LY6G5C: variants seen among roughly 807,000 people sequenced by gnomAD.
LY6G5C encodes lymphocyte antigen 6 complex locus protein G5c.
Under a neutral mutation model 10.5 loss-of-function variants are expected in LY6G5C, and 6 were observed. The ratio of observed to expected loss-of-function variants is 0.57; its 90% CI spans 0.31 to 1.12. The LOEUF (loss-of-function observed/expected upper bound fraction) is 1.12, where lower values mean the gene tolerates loss of function less well. Ranked by LOEUF, LY6G5C falls within the 50% of genes most tolerant of loss-of-function variation. The pLI is 0.05. For missense variants in LY6G5C, 160 were observed against 185.5 expected (o/e 0.86, Z 0.80); for synonymous variants, 69 against 67.8 (o/e 1.02, Z -0.09).
At position 31,679,291 on chromosome 6, in the gene LY6G5C, C is replaced by T. The variant is rs762863369; in HGVS notation, c.122-23G>A. On this transcript the variant is annotated intron_variant, in intron 1 of 2. Coordinates refer to ENST00000383237, the Ensembl canonical transcript of LY6G5C. The surrounding 1 kb of genome is among the most constrained non-coding windows in gnomAD (Gnocchi z 4.4). ...TACCTAGAACACAGAGAAGTGCTGA[C>T]CCCACTCACACCCCATTCTACCTCA... 7 of 1,612,878 alleles carry T rather than the reference C, an allele frequency of 4.3e-6. No individual in the cohort carries two copies. The highest frequency in any genetic ancestry group is 1.7e-5 in the Admixed American group (1 of 60,014).
In LY6G5C at chr6:31,680,147, G is replaced by A. The variant is rs1802804824; in HGVS notation, c.121+106C>T. 1 of 1,362,444 alleles carries A rather than the reference G, an allele frequency of 7.3e-7. No homozygotes were observed. The highest frequency in any genetic ancestry group is 1.2e-5 in the South Asian group (1 of 84,188). The allele number at this position is 1,362,444 out of a possible 1,614,324, so 84.4% of individuals were successfully genotyped here. On this transcript the variant is annotated intron_variant, in intron 1 of 2. Coordinates refer to ENST00000383237, the Ensembl canonical transcript of LY6G5C. This position sits in a 1 kb window ranked among gnomAD's most constrained non-coding sequence, Gnocchi z 4.5. ...ACCCATCTGTCCCATCTCTCCTCCT[G>A]CATGGGTTTACCTGAGCATCCTGGA...
In LY6G5C at chr6:31,679,421, C is replaced by T; in HGVS notation, c.122-153G>A. The T allele has an allele frequency of 1.3e-6, 1 of 744,050 alleles. No homozygotes were observed. The highest frequency in any genetic ancestry group is 2.3e-6 in the Non-Finnish European group (1 of 437,594). 46.1% of individuals were successfully genotyped at this position (744,050 alleles called of 1,614,324 possible). On this transcript the variant is annotated intron_variant, in intron 1 of 2. Transcript: ENST00000383237. This position sits in a 1 kb window ranked among gnomAD's most constrained non-coding sequence, Gnocchi z 4.4. ...AATTCTCTGCTTCCTTCCCCAACTG[C>T]ATACACATACATCCCCCTTTTCCTC...
Position 31,679,135 on chromosome 6 carries a change from A to G in LY6G5C, c.255T>C (p.Ala85=). The change falls in exon 2 of 3, where the codon GCT becomes GCC. Residue 85 remains alanine (A), a synonymous_variant. Coordinates refer to ENST00000383237, the Ensembl canonical transcript of LY6G5C. The surrounding 1 kb of genome is among the most constrained non-coding windows in gnomAD (Gnocchi z 4.4). ...TGTGGAGAGTGATGCAGCTGCTGCC[A>G]GCTGGGGTGAGGCAGATGTCAGATC... The G allele has an allele frequency of 6.2e-7, 1 of 1,613,074 alleles. No individual in the cohort carries two copies. Among genetic ancestry groups the G allele is most frequent in the Non-Finnish European group, 8.5e-7 (1 of 1,180,006 alleles).
upstream of LY6G5C, among the ~76,000 whole-genome samples, chr6:31,680,804 A>C (rs1390979618): frequency 6.6e-6 from 1 of 152,194 alleles, no homozygotes; most frequent in Non-Finnish European, 1.5e-5. This position sits in a 1 kb window ranked among gnomAD's most constrained non-coding sequence, Gnocchi z 4.5. Flanking sequence ...CTGTTTATAA[A>C]AGATTGCCAT....
chr6:31,676,987 G>A, exon 3 of LY6G5C: 1 of 1,613,040 alleles, frequency 6.2e-7, no homozygotes, highest in Non-Finnish European at 8.5e-7. Flanking sequence ...TGTTTTGAGG[G>A]TCATTGCAGA....
In LY6G5C at chr6:31,679,249, A is replaced by T; in HGVS notation, c.141T>A (p.Asn47Lys). ...ATGGAAGTGGTTGAGGGGGTTCCCA[A>T]TTGACAGGAACAAACTTACCTAGAA... Residue 47 changes from asparagine (N) to lysine (K), a missense_variant, in exon 2 of 3, where the codon AAT (asparagine) becomes AAA (lysine). By Grantham distance (94) the Asn-to-Lys change is moderately conservative (BLOSUM62 0). Coordinates refer to ENST00000383237, the Ensembl canonical transcript of LY6G5C. This position sits in a 1 kb window ranked among gnomAD's most constrained non-coding sequence, Gnocchi z 4.4. 2 of 1,612,966 alleles carry T rather than the reference A, an allele frequency of 1.2e-6. No homozygotes were observed. The highest frequency in any genetic ancestry group is 1.7e-6 in the Non-Finnish European group (2 of 1,179,988).
At chr6:31,676,901 T>A in exon 3 of LY6G5C, 1 of 1,565,940 alleles carries the variant, frequency 6.4e-7, no homozygotes, top group Non-Finnish European at 8.8e-7. Context: ...CAGATAGAAG[T>A]CAGGAAGGTG....
chr6:31,676,888 G>T (rs1802605614), exon 3 of LY6G5C: 1 of 1,511,446 alleles, frequency 6.6e-7, no homozygotes, highest in Non-Finnish European at 9.1e-7. Flanking sequence ...TCCTGGCCAA[G>T]CCCAGATAGA....
chr6:31,677,101 C>G, exon 3 of LY6G5C: 8 of 1,612,778 alleles, frequency 5.0e-6, no homozygotes, highest in Non-Finnish European at 5.1e-6. Context: ...AGTCACTCAC[C>G]ATGACGTCAG....
Position 31,679,817 on chromosome 6 carries a change from G to A in LY6G5C, c.121+436C>T, listed in dbSNP as rs557168783. The A allele has an allele frequency of 1.6e-5, 3 of 187,942 alleles. No individual in the cohort carries two copies. The highest frequency in any genetic ancestry group is 2.7e-4 in the East Asian group (2 of 7,480). The allele number at this position is 187,942 out of a possible 1,614,324, so 11.6% of individuals were successfully genotyped here. The stretch of plus-strand genomic sequence containing the variant: ...AATCCCAGCACTTTGGGAGGCCAAG[G>A]CGGGCAGGTACCTGAGGTCAGGAGT... On this transcript the variant is annotated intron_variant, in intron 1 of 2. Transcript: ENST00000383237. The surrounding 1 kb of genome is among the most constrained non-coding windows in gnomAD (Gnocchi z 4.4).
At chr6:31,680,524 A>C (rs561103448), upstream of LY6G5C, 894 of 815,182 alleles carry the variant, frequency 1.1e-3, 4 homozygotes, top group Admixed American at 2.3e-3. The surrounding 1 kb of genome is among the most constrained non-coding windows in gnomAD (Gnocchi z 4.5). Context: ...TCTGGGGCAT[A>C]ACATCCTGCT....
upstream of LY6G5C, among the ~76,000 whole-genome samples, chr6:31,680,935 G>C (rs545953953): frequency 4.6e-5 from 7 of 152,282 alleles, no homozygotes; most frequent in East Asian, 9.6e-4. This position sits in a 1 kb window ranked among gnomAD's most constrained non-coding sequence, Gnocchi z 4.5. Context: ...AGGAAGCGGG[G>C]CTAATGAACC....
Position 31,680,073 on chromosome 6 carries a change from A to T in LY6G5C, c.121+180T>A, listed in dbSNP as rs1263597345. The T allele has an allele frequency of 6.6e-6, 4 of 608,406 alleles. No homozygotes were observed. The highest frequency in any genetic ancestry group is 2.9e-5 in the East Asian group (1 of 34,158). 37.7% of individuals were successfully genotyped at this position (608,406 alleles called of 1,614,324 possible). On this transcript the variant is annotated intron_variant, in intron 1 of 2. Transcript: ENST00000383237. The surrounding 1 kb of genome is among the most constrained non-coding windows in gnomAD (Gnocchi z 4.5). ...AAAATAATAATAATAATAAATTTTT[A>T]AAAATCTTCAGATTGCACATCAGTC...
rs1405591091 is a variant in LY6G5C at position 31,679,210 on chromosome 6, C to T, written c.180G>A (p.Leu60=). Residue 60 remains leucine (L), a synonymous_variant, in exon 2 of 3, where the codon CTG becomes CTA. Coordinates refer to ENST00000383237, the Ensembl canonical transcript of LY6G5C. The surrounding 1 kb of genome is among the most constrained non-coding windows in gnomAD (Gnocchi z 4.4). The stretch of plus-strand genomic sequence containing the variant: ...TCTCCAAGAGGCATCGGTAGCAGCG[C>T]AGGTATTTGGGGAATGGAAGTGGTT... 1 of 1,612,990 alleles carries T rather than the reference C, an allele frequency of 6.2e-7. No homozygotes were observed. Among genetic ancestry groups the T allele is most frequent in the South Asian group, 1.1e-5 (1 of 91,082 alleles).
intron 2 of LY6G5C, among the ~76,000 whole-genome samples, chr6:31,678,107 C>T (rs1802680218): frequency 6.6e-6 from 1 of 152,194 alleles, no homozygotes; most frequent in Non-Finnish European, 1.5e-5. Context: ...CCTGTTTCCT[C>T]ATCTGTAAAA....
intron 2 of LY6G5C, among the ~76,000 whole-genome samples, chr6:31,677,597 A>G (rs189788170): frequency 6.6e-6 from 1 of 152,306 alleles, no homozygotes; most frequent in Admixed American, 6.5e-5. Context: ...ATGCCCATCA[A>G]TAGTGGGATG....
At chr6:31,677,042 G>T in exon 3 of LY6G5C, 1 of 1,612,948 alleles carries the variant, frequency 6.2e-7, no homozygotes, top group South Asian at 1.1e-5. Context: ...GCCAGACACC[G>T]GAGAAGTTCG....
At chr6:31,678,231 A>G (rs1206199085) in intron 2 of LY6G5C, among the ~76,000 whole-genome samples, 2 of 152,206 alleles carry the variant, frequency 1.3e-5, no homozygotes, top group African/African-American at 2.4e-5. Context: ...TCGGTGGAAG[A>G]GCAGGCATCG....
At chr6:31,677,891 G>T (rs1469759722) in intron 2 of LY6G5C, among the ~76,000 whole-genome samples, 1 of 152,170 alleles carries the variant, frequency 6.6e-6, no homozygotes, top group Non-Finnish European at 1.5e-5. Context: ...AGGTGGGTTA[G>T]GGTAGTAGCG....
Sources: gnomAD v4.1 joint callset for allele counts (sites outside exome capture counted in the v4.1 genomes callset) on GRCh38, gnomAD v4.1.1 for gene constraint, Gnocchi (gnomAD v3.1) non-coding constraint, MANE v1.5 for transcripts, NCBI Gene and HGNC (gene_info 2026-07-23, HGNC 2026-07-21) for gene names.